Variants in SVIL observed in about 807,000 individuals in gnomAD.
SVIL encodes the protein supervillin, also known as archvillin.
SVIL carries 101 observed loss-of-function variants against 240.4 expected under a neutral mutation model. The observed-to-expected ratio is 0.42, with a 90% confidence interval of 0.36 to 0.50. The LOEUF is 0.50. Among genes scored for constraint, SVIL ranks in the 20% least tolerant of loss-of-function variants. The pLI is 0.01. For synonymous variants in SVIL, 999 were observed against 1,100.0 expected (o/e 0.91, Z 1.82); for missense variants, 2,512 against 2,818.7 (o/e 0.89, Z 2.46).
rs892828279 is a variant in SVIL, at chr10:29,486,080, T to C, written c.4779+5A>G. ...TCACTGAAGGGCAGAGCCCACGGACTGTACCTCTTTGGGTTGCAGAAGGGA... is the reference window on the plus strand; with the variant it reads ...TCACTGAAGGGCAGAGCCCACGGACCGTACCTCTTTGGGTTGCAGAAGGGA... On this transcript the variant is annotated splice_donor_5th_base_variant and intron_variant, in intron 26 of 37. Coordinates refer to ENST00000355867, the MANE Select transcript of SVIL (RefSeq NM_021738.3). The C allele has an allele frequency of 6.2e-7, 1 of 1,614,238 alleles. No individual in the cohort carries two copies. Among genetic ancestry groups the C allele is most frequent in the Admixed American group, 1.7e-5 (1 of 60,036 alleles).
intron 28 of SVIL, among the ~76,000 whole-genome samples, chr10:29,481,133 G>GGTGTGTGTGTGTGTGTGTGTGTGTGT (rs57479630): frequency 7.1e-6 from 1 of 141,324 alleles, no homozygotes; most frequent in African/African-American, 2.7e-5. Context: ...TAGCTTTAAG[G>GGTGTGTGTGTGTGTGTGTGTGTGTGT]GTGTGTGTGT....
At chr10:29,538,246 G>C (rs1018095184) in intron 6 of SVIL, among the ~76,000 whole-genome samples, 2 of 152,106 alleles carry the variant, frequency 1.3e-5, no homozygotes, top group Non-Finnish European at 1.5e-5. Context: ...CAATATCACC[G>C]TCAAACTCCA....
chr10:29,706,367 T>C (rs1054861667), intron 1 of SVIL, among the ~76,000 whole-genome samples: 3 of 152,244 alleles, frequency 2.0e-5, no homozygotes, highest in African/African-American at 4.8e-5. Context: ...TGGTGTGAGA[T>C]GGTATCTCAT....
At chr10:29,561,199 T>A (rs555735430) in intron 3 of SVIL, among the ~76,000 whole-genome samples, 24 of 152,272 alleles carry the variant, frequency 1.6e-4, no homozygotes, top group Admixed American at 4.6e-4. Flanking sequence ...GGTGAACACA[T>A]AAAATCGTCA....
At chr10:29,481,511 C>T in intron 28 of SVIL, 73 bp downstream of exon 28, 1 of 1,590,166 alleles carries the variant, frequency 6.3e-7, no homozygotes, top group African/African-American at 1.4e-5. Context: ...CTGATTTGAT[C>T]ATTTTACATG....
At chr10:29,506,179 C>T (rs571754056) in intron 17 of SVIL, among the ~76,000 whole-genome samples, 15 of 152,236 alleles carry the variant, frequency 9.9e-5, no homozygotes, top group Non-Finnish European at 2.2e-4. Flanking sequence ...CGACTGTATA[C>T]ACTTAAAGAC....
At chr10:29,510,821 C>T (rs1157207291) in intron 17 of SVIL, among the ~76,000 whole-genome samples, 6 of 134,050 alleles carry the variant, frequency 4.5e-5, no homozygotes, top group Non-Finnish European at 9.6e-5. Flanking sequence ...CCCACCACAT[C>T]TGAGCACAGC....
intron 1 of SVIL, among the ~76,000 whole-genome samples, chr10:29,703,175 C>A (rs1418172550): frequency 6.6e-6 from 1 of 152,188 alleles, no homozygotes; most frequent in African/African-American, 2.4e-5. Context: ...GAAACAGATG[C>A]AGGATTATTC....
intron 3 of SVIL, among the ~76,000 whole-genome samples, chr10:29,562,740 G>A (rs950936385): frequency 4.4e-5 from 6 of 137,538 alleles, no homozygotes; most frequent in African/African-American, 1.6e-4. Flanking sequence ...CAGCCTGGGC[G>A]ACAGAGCGAG....
At chr10:29,695,820 GTCTCCCTCTCCCTCTCCCGTCTCCC>G (rs1961896898) in intron 1 of SVIL, among the ~76,000 whole-genome samples, 29 of 83,082 alleles carry the variant, frequency 3.5e-4, no homozygotes, top group Non-Finnish European at 5.0e-4. Flanking sequence ...TCCCTCTCCC[GTCTCCCTCTCCCTCTCCCGTCTCCC>G]TCTCCCTCTC....
chr10:29,656,337 G>T (rs1034305710), intron 3 of SVIL, among the ~76,000 whole-genome samples: 21 of 151,794 alleles, frequency 1.4e-4, no homozygotes, highest in Non-Finnish European at 2.9e-4. Context: ...CTACTTCAGG[G>T]CATTCCTGGA....
At chr10:29,647,923 T>G (rs573717985) in intron 3 of SVIL, among the ~76,000 whole-genome samples, 24 of 141,728 alleles carry the variant, frequency 1.7e-4, no homozygotes, top group African/African-American at 5.6e-4. Flanking sequence ...ACTTAAAAAG[T>G]CAAATTAGTG....
chr10:29,616,362 C>T (rs544136683), intron 1 of SVIL, among the ~76,000 whole-genome samples: 4 of 152,242 alleles, frequency 2.6e-5, no homozygotes, highest in Admixed American at 6.5e-5. Flanking sequence ...AAGACAAAAG[C>T]GTGTAAACTC....
At chr10:29,710,477 T>G (rs1380928649) in intron 1 of SVIL, among the ~76,000 whole-genome samples, 1 of 152,356 alleles carries the variant, frequency 6.6e-6, no homozygotes, top group Non-Finnish European at 1.5e-5. Context: ...GAAGAGAACC[T>G]GACTGATACA....
rs769786625 is a variant in SVIL, at chr10:29,532,657, C to T, written c.1710G>A (p.Glu570=). 6.2e-7 allele frequency: 1 copy of T among 1,614,208 alleles called. No homozygotes were observed. Among genetic ancestry groups the T allele is most frequent in the South Asian group, 1.1e-5 (1 of 91,080 alleles). ...LKYKDPASRR[E]LELPSSKTEG... ...CGGTCTTGGAGCTGGGCAGCTCCAG[C>T]TCTCTCCTGGAAGCTGGGTCCTTAT... The change falls in exon 8 of 38, where the codon GAG becomes GAA. Residue 570 remains glutamate (E), a synonymous_variant. Coordinates refer to ENST00000355867, the MANE Select transcript of SVIL (RefSeq NM_021738.3).
chr10:29,639,681 G>A (rs1958424129), upstream of SVIL, among the ~76,000 whole-genome samples: 1 of 151,846 alleles, frequency 6.6e-6, no homozygotes, highest in Non-Finnish European at 1.5e-5. Context: ...TGGCCAAGCT[G>A]GTCTCGAACT....
chr10:29,493,869 A>G (rs780579792), intron 20 of SVIL, among the ~76,000 whole-genome samples: 3 of 152,308 alleles, frequency 2.0e-5, no homozygotes, highest in South Asian at 4.1e-4. Flanking sequence ...ATATGTTTCA[A>G]TAAAACTTTA....
At chr10:29,498,088 CAAAAAAAA>C (rs34280398) in intron 18 of SVIL, among the ~76,000 whole-genome samples, 50 of 37,490 alleles carry the variant, frequency 1.3e-3, no homozygotes, top group African/African-American at 2.7e-3. Context: ...TCCCCTCCAC[CAAAAAAAA>C]AAAAAAAAAA....
At chr10:29,535,769 T>C (rs1296355092) in intron 7 of SVIL, among the ~76,000 whole-genome samples, 1 of 151,998 alleles carries the variant, frequency 6.6e-6, no homozygotes, top group Non-Finnish European at 1.5e-5. Context: ...TCAAGAAAGA[T>C]TGACAAAGAT....
Sources: gnomAD v4.1 joint callset for allele counts (sites outside exome capture counted in the v4.1 genomes callset) on GRCh38, gnomAD v4.1.1 for gene constraint, MANE v1.5 for transcripts, NCBI Gene and HGNC (gene_info 2026-07-23, HGNC 2026-07-21) for gene names.